The following CNTN4 variants were observed in gnomAD, a reference collection of about 807,000 sequenced individuals.
CNTN4 encodes the protein contactin 4, also known as contactin-4.
In CNTN4, 77 loss-of-function variants were observed where a neutral mutation model predicts 122.5. That is an observed-to-expected ratio of 0.63 (90% CI 0.52 to 0.76). The LOEUF (loss-of-function observed/expected upper bound fraction) is 0.76. CNTN4 is among the 30% of genes least tolerant of loss of function. The pLI, the probability that CNTN4 is intolerant of heterozygous loss-of-function variation, is 0.00. For missense variants in CNTN4, 1,256 were observed against 1,259.1 expected, an observed-to-expected ratio of 1.00 and a Z score of 0.04; for synonymous variants, 512 against 447.0, an observed-to-expected ratio of 1.15 and a Z score of -1.83.
At chr3:2,116,479 G>T (rs1050741749) in intron 2 of CNTN4, among the ~76,000 whole-genome samples, 1 of 152,114 alleles carries the variant, frequency 6.6e-6, no homozygotes, top group African/African-American at 2.4e-5. Context: ...AGGTAATACC[G>T]AATCAGAGTC....
chr3:2,617,674 GC>G, intron 4 of CNTN4, among the ~76,000 whole-genome samples: 1 of 151,890 alleles, frequency 6.6e-6, no homozygotes, highest in East Asian at 1.9e-4. Context: ...GCCTGTCTCG[GC>G]CTCCCAAAGT....
At chr3:2,345,023 T>C (rs1283053573) in intron 3 of CNTN4, among the ~76,000 whole-genome samples, 2 of 152,232 alleles carry the variant, frequency 1.3e-5, no homozygotes, top group African/African-American at 2.4e-5. Context: ...TTATTCTTTC[T>C]GTGTTTCTCT....
intron 3 of CNTN4, among the ~76,000 whole-genome samples, chr3:2,459,162 A>G (rs927506273): frequency 6.6e-6 from 1 of 152,128 alleles, no homozygotes; most frequent in East Asian, 1.9e-4. Context: ...GATCTGCCCC[A>G]TGGTGATGCA....
intron 3 of CNTN4, among the ~76,000 whole-genome samples, chr3:2,425,423 G>C (rs1444858123): frequency 6.6e-6 from 1 of 152,016 alleles, no homozygotes; most frequent in East Asian, 1.9e-4. Context: ...CTGTTCCATT[G>C]GTCTTCATCT....
chr3:2,489,995 T>C (rs1360839154), intron 3 of CNTN4, among the ~76,000 whole-genome samples: 2 of 151,812 alleles, frequency 1.3e-5, no homozygotes, highest in Non-Finnish European at 2.9e-5. Flanking sequence ...AATAGGGGAA[T>C]GTGAAAGTCA....
intron 4 of CNTN4, among the ~76,000 whole-genome samples, chr3:2,730,224 A>C (rs1464634982): frequency 6.6e-6 from 1 of 152,218 alleles, no homozygotes; most frequent in Non-Finnish European, 1.5e-5. Flanking sequence ...TTAATGTTTC[A>C]TATATACCTT....
intron 3 of CNTN4, among the ~76,000 whole-genome samples, chr3:2,420,259 A>G (rs747181927): frequency 3.9e-5 from 6 of 152,140 alleles, no homozygotes; most frequent in Non-Finnish European, 7.4e-5. Flanking sequence ...TGAGCTTCAT[A>G]TAAGGAGAAA....
At chr3:2,171,338 A>G (rs2036500387) in intron 2 of CNTN4, among the ~76,000 whole-genome samples, 1 of 152,206 alleles carries the variant, frequency 6.6e-6, no homozygotes, top group African/African-American at 2.4e-5. Flanking sequence ...CACTCATAAA[A>G]TAGGATGTAA....
chr3:2,707,163 G>A (rs757568854), intron 4 of CNTN4, among the ~76,000 whole-genome samples: 23 of 151,812 alleles, frequency 1.5e-4, no homozygotes, highest in Non-Finnish European at 1.8e-4. Flanking sequence ...AAAATTAGAC[G>A]GGCATGGTGA....
At chr3:2,315,293 G>T (rs1325523805) in intron 2 of CNTN4, among the ~76,000 whole-genome samples, 1 of 151,854 alleles carries the variant, frequency 6.6e-6, no homozygotes, top group Non-Finnish European at 1.5e-5. Context: ...TTTAACTTAG[G>T]TAATTTTTGC....
At position 2,908,633 on chromosome 3, in the gene CNTN4, G is replaced by A. The variant is rs562078971; in HGVS notation, c.1207+5628G>A. Among the ~76,000 whole-genome samples, 8 of 152,300 alleles carry A rather than the reference G, an allele frequency of 5.3e-5. No homozygotes were observed. The South Asian group carries it at 1.4e-3, about 28-fold the overall frequency. On this transcript the variant is annotated intron_variant, in intron 12 of 24. Coordinates refer to ENST00000418658, the MANE Select transcript of CNTN4 (RefSeq NM_175607.3). ...GGCTAGCTTTTTAAAAAATCTCCATGTTAATCACTTCCTAAGCTACCTCTT... is the reference window on the plus strand; with the variant it reads ...GGCTAGCTTTTTAAAAAATCTCCATATTAATCACTTCCTAAGCTACCTCTT...
At chr3:2,469,137 T>G (rs1054785054) in intron 3 of CNTN4, among the ~76,000 whole-genome samples, 6 of 152,190 alleles carry the variant, frequency 3.9e-5, no homozygotes, top group Non-Finnish European at 5.9e-5. Context: ...ACTGTGATAA[T>G]TTTGCACAAA....
intron 2 of CNTN4, among the ~76,000 whole-genome samples, chr3:2,223,840 A>G (rs191798569): frequency 5.3e-5 from 8 of 152,244 alleles, no homozygotes; most frequent in South Asian, 2.1e-4. Flanking sequence ...CCCTAATTAC[A>G]TATGTAAGTG....
intron 3 of CNTN4, among the ~76,000 whole-genome samples, chr3:2,340,708 T>TAGAGAGAGAGAGAGAG (rs1414538595): frequency 3.2e-4 from 8 of 25,370 alleles, no homozygotes; most frequent in Non-Finnish European, 8.4e-4. Flanking sequence ...TATATATATA[T>TAGAGAGAGAGAGAGAG]ATAGAGAGAG....
At chr3:2,202,591 A>G (rs528910217) in intron 2 of CNTN4, among the ~76,000 whole-genome samples, 86 of 152,252 alleles carry the variant, frequency 5.6e-4, no homozygotes, top group Non-Finnish European at 1.1e-3. Flanking sequence ...TTTGTGCATC[A>G]CTGATAATTC....
In CNTN4 at chr3:2,814,288, C is replaced by T. The variant is rs1308686037; in HGVS notation, c.359-5198C>T. Among the ~76,000 whole-genome samples, 8 of 152,210 alleles carry T rather than the reference C, an allele frequency of 5.3e-5. No homozygotes were observed. The South Asian group carries it at 8.3e-4, about 16-fold the overall frequency. On this transcript the variant is annotated intron_variant, in intron 6 of 24. Transcript: ENST00000418658. ...GGCTATTTTGAGAAACAATGGTGCA[C>T]GGATGTTAATTCCTTGTTTTACATA...
At chr3:2,485,825 G>A (rs11927862) in intron 3 of CNTN4, among the ~76,000 whole-genome samples, 2,965 of 152,084 alleles carry the variant, frequency 0.019, 104 homozygotes, top group African/African-American at 0.067. Context: ...GATTATAAAC[G>A]CACCAGTCAG....
intron 6 of CNTN4, among the ~76,000 whole-genome samples, chr3:2,815,069 C>T (rs932837843): frequency 1.3e-5 from 2 of 152,154 alleles, no homozygotes; most frequent in Non-Finnish European, 2.9e-5. Context: ...TCATCTCTCA[C>T]CTTATACAAA....
At chr3:2,793,181 G>A (rs2092066303) in intron 6 of CNTN4, among the ~76,000 whole-genome samples, 1 of 152,060 alleles carries the variant, frequency 6.6e-6, no homozygotes, top group Non-Finnish European at 1.5e-5. Flanking sequence ...AATAGAAACA[G>A]GTTTGCTTGC....
Sources: allele counts gnomAD v4.1 joint callset (sites outside exome capture counted in the v4.1 genomes callset), GRCh38; gene constraint gnomAD v4.1.1; transcripts MANE v1.5; gene names NCBI Gene and HGNC (gene_info 2026-07-23, HGNC 2026-07-21).